Variants in XKR4 observed in about 807,000 individuals in gnomAD.
The protein encoded by XKR4 is XK related 4, also known as XK-related protein 4.
In XKR4, 12 loss-of-function variants were observed where a neutral mutation model predicts 53.9. That is an observed-to-expected ratio of 0.22 (90% confidence interval 0.14 to 0.36). The LOEUF (loss-of-function observed/expected upper bound fraction) is 0.36, where lower values mean the gene tolerates loss of function less well. Among genes scored for constraint, XKR4 ranks in the 10% least tolerant of loss-of-function variants. XKR4 has a pLI of 1.00. For missense variants in XKR4, 799 were observed against 859.5 expected, an observed-to-expected ratio of 0.93 and a Z score of 0.88; for synonymous variants, 354 against 362.4, an observed-to-expected ratio of 0.98 and a Z score of 0.26.
intron 1 of XKR4, among the ~76,000 whole-genome samples, chr8:55,304,116 G>T (rs1182148104): frequency 6.6e-6 from 1 of 152,120 alleles, no homozygotes; most frequent in Non-Finnish European, 1.5e-5. Context: ...GATCTTTCCT[G>T]CTTTCTCTTG....
intron 1 of XKR4, among the ~76,000 whole-genome samples, chr8:55,318,046 G>A (rs111692870): frequency 6.6e-6 from 1 of 152,168 alleles, no homozygotes; most frequent in African/African-American, 2.4e-5. Context: ...AATGTTCAAG[G>A]TTGGACTGAA....
At chr8:55,405,829 G>A (rs1287107999) in intron 2 of XKR4, among the ~76,000 whole-genome samples, 1 of 152,160 alleles carries the variant, frequency 6.6e-6, no homozygotes, top group Non-Finnish European at 1.5e-5. Flanking sequence ...GTGTTCAGAG[G>A]CCTCTGTTAA....
At chr8:55,323,910 T>C (rs1803254534) in intron 1 of XKR4, among the ~76,000 whole-genome samples, 1 of 152,222 alleles carries the variant, frequency 6.6e-6, no homozygotes, top group Non-Finnish European at 1.5e-5. Flanking sequence ...ATTTGAGATA[T>C]TGTGTTTTTA....
At chr8:55,407,589 G>A (rs368487701) in intron 2 of XKR4, among the ~76,000 whole-genome samples, 70 of 152,198 alleles carry the variant, frequency 4.6e-4, no homozygotes, top group African/African-American at 1.2e-3. Context: ...GCTCAACATC[G>A]GCTCCACCGG....
chr8:55,138,158 A>G (rs1289108439), intron 1 of XKR4, among the ~76,000 whole-genome samples: 2 of 152,034 alleles, frequency 1.3e-5, no homozygotes, highest in Non-Finnish European at 2.9e-5. Context: ...CTCAGTCCAG[A>G]GGGTTCCTTT....
chr8:55,511,037 G>A (rs1056204069), intron 2 of XKR4, among the ~76,000 whole-genome samples: 2 of 152,108 alleles, frequency 1.3e-5, no homozygotes, highest in African/African-American at 4.8e-5. Flanking sequence ...GGCACTGCTG[G>A]GCTTGAAAGC....
intron 1 of XKR4, among the ~76,000 whole-genome samples, chr8:55,318,334 G>A (rs1406656183): frequency 6.6e-6 from 1 of 152,192 alleles, no homozygotes; most frequent in African/African-American, 2.4e-5. Context: ...TGGTTGTTAT[G>A]GAGTATTATA....
At chr8:55,386,012 A>AT (rs1362158054) in intron 2 of XKR4, among the ~76,000 whole-genome samples, 2 of 152,342 alleles carry the variant, frequency 1.3e-5, no homozygotes, top group South Asian at 4.1e-4. Flanking sequence ...TCCAAAGTGT[A>AT]TTTAAAATGA....
intron 1 of XKR4, among the ~76,000 whole-genome samples, chr8:55,124,212 C>T (rs1391885340): frequency 6.6e-6 from 1 of 152,216 alleles, no homozygotes; most frequent in Non-Finnish European, 1.5e-5. Context: ...TGCTCACTCT[C>T]CATGTGGTTC....
intron 2 of XKR4, among the ~76,000 whole-genome samples, chr8:55,371,352 A>C (rs1415295447): frequency 6.6e-6 from 1 of 152,078 alleles, no homozygotes; most frequent in African/African-American, 2.4e-5. Flanking sequence ...TGCTGATGTT[A>C]TTGGCAGCAC....
intron 2 of XKR4, among the ~76,000 whole-genome samples, chr8:55,387,146 T>C (rs1047743259): frequency 6.6e-6 from 1 of 152,222 alleles, no homozygotes; most frequent in African/African-American, 2.4e-5. Flanking sequence ...TGTACTGTTT[T>C]TGACAACACC....
intron 2 of XKR4, among the ~76,000 whole-genome samples, chr8:55,487,086 T>C (rs1806203448): frequency 6.6e-6 from 1 of 152,092 alleles, no homozygotes; most frequent in South Asian, 2.1e-4. Context: ...CTGGAGACCA[T>C]GGGATGGCTG....
intron 1 of XKR4, among the ~76,000 whole-genome samples, chr8:55,332,284 A>G (rs566576557): frequency 6.6e-6 from 1 of 152,150 alleles, no homozygotes; most frequent in Non-Finnish European, 1.5e-5. Context: ...ACATACATTC[A>G]TGTTATTTTT....
At position 55,451,977 on chromosome 8, in the gene XKR4, C is replaced by A. The variant is rs565938130; in HGVS notation, c.1007-71304C>A. 271 of 774,498 alleles carry A rather than the reference C, an allele frequency of 3.5e-4. 2 individuals carry two copies. Among genetic ancestry groups the A allele is most frequent in the Admixed American group, 1.3e-3 (74 of 57,332 alleles). The allele number at this position is 774,498 out of a possible 1,614,324, so 48.0% of individuals were successfully genotyped here. ...AGCTGAGTTGGGGTTGTACTTCTTG[C>A]GAGTGACATGCTGCCGCCCGATGGT... On this transcript the variant is annotated intron_variant, in intron 2 of 2. Coordinates refer to ENST00000327381, the MANE Select transcript of XKR4 (RefSeq NM_052898.2).
chr8:55,367,725 G>T (rs1486965873), intron 2 of XKR4, among the ~76,000 whole-genome samples: 2 of 152,076 alleles, frequency 1.3e-5, no homozygotes, highest in South Asian at 4.1e-4. Flanking sequence ...AAACTGAAAA[G>T]TATCTTTCAT....
At chr8:55,377,493 G>A (rs1452841084) in intron 2 of XKR4, among the ~76,000 whole-genome samples, 1 of 152,152 alleles carries the variant, frequency 6.6e-6, no homozygotes, top group African/African-American at 2.4e-5. Context: ...AGCCAAGGCA[G>A]CGCTAGCAAA....
At position 55,453,552 on chromosome 8, in the gene XKR4, G is replaced by T; in HGVS notation, c.1007-69729G>T. 3 of 378,798 alleles carry T rather than the reference G, an allele frequency of 7.9e-6. 1 individual carries two copies. The highest frequency in any genetic ancestry group is 6.2e-5 in the South Asian group (3 of 48,264). The allele number at this position is 378,798 out of a possible 1,614,324, so 23.5% of individuals were successfully genotyped here. A position where few individuals can be genotyped will look rare whatever the true frequency, so the allele number is the denominator to read the frequency against. On this transcript the variant is annotated intron_variant, in intron 2 of 2. Coordinates refer to ENST00000327381, the MANE Select transcript of XKR4 (RefSeq NM_052898.2). ...CACCCATCCAGTAGGGCAGTCATGC[G>T]GGGCCCTGAGGGCCCTGTGGTCCTC...
intron 1 of XKR4, among the ~76,000 whole-genome samples, chr8:55,185,000 G>A (rs137881837): frequency 7.2e-5 from 11 of 152,136 alleles, no homozygotes; most frequent in South Asian, 4.2e-4. Flanking sequence ...ATTACAGTTC[G>A]TCTAACCTTA....
At chr8:55,125,953 T>C (rs970053261) in intron 1 of XKR4, among the ~76,000 whole-genome samples, 2 of 152,198 alleles carry the variant, frequency 1.3e-5, no homozygotes, top group Admixed American at 6.5e-5. Context: ...GTCCTTGAAT[T>C]GGGCCCTGTT....
Sources: gnomAD v4.1 joint callset for allele counts (sites outside exome capture counted in the v4.1 genomes callset) on GRCh38, gnomAD v4.1.1 for gene constraint, MANE v1.5 for transcripts, NCBI Gene and HGNC (gene_info 2026-07-23, HGNC 2026-07-21) for gene names.